SLMAP: variants seen among roughly 807,000 people sequenced by gnomAD.
The protein encoded by SLMAP is sarcolemma associated protein.
A neutral mutation model predicts 128.8 loss-of-function variants in SLMAP; 44 were observed. The observed-to-expected ratio is 0.34, with a 90% CI of 0.27 to 0.44. The LOEUF is 0.44. Among genes scored for constraint, SLMAP ranks in the 20% least tolerant of loss-of-function variants. The probability of loss-of-function intolerance (pLI) is 1.00; values close to 1 mark genes in which losing one functional copy is unlikely to be tolerated. For synonymous variants in SLMAP, 327 were observed against 348.8 expected (o/e 0.94, Z 0.70); for missense variants, 787 against 985.3 (o/e 0.80, Z 2.69).
intron 2 of SLMAP, among the ~76,000 whole-genome samples, chr3:57,830,763 T>C (rs922304770): frequency 6.6e-6 from 1 of 152,222 alleles, no homozygotes; most frequent in Non-Finnish European, 1.5e-5. Context: ...TAAGCACTCA[T>C]GTACTTTTTG....
At chr3:57,763,343 C>T (rs1044858088) in intron 2 of SLMAP, among the ~76,000 whole-genome samples, 4 of 147,830 alleles carry the variant, frequency 2.7e-5, no homozygotes, top group South Asian at 2.2e-4. Context: ...GGTGTGATCT[C>T]GGCTCACTGC....
At chr3:57,794,115 G>T (rs2086150736) in intron 2 of SLMAP, among the ~76,000 whole-genome samples, 1 of 152,158 alleles carries the variant, frequency 6.6e-6, no homozygotes, top group Admixed American at 6.5e-5. Flanking sequence ...AAACTTTTTA[G>T]ATGAGTCATT....
intron 3 of SLMAP, among the ~76,000 whole-genome samples, chr3:57,837,116 A>G (rs77209099): frequency 0.014 from 2,192 of 152,340 alleles, 60 homozygotes; most frequent in African/African-American, 0.049. Flanking sequence ...ATGGCCTTCA[A>G]GCCCTTGCAC....
intron 13 of SLMAP, among the ~76,000 whole-genome samples, chr3:57,869,639 TA>T (rs1209223937): frequency 4.0e-5 from 5 of 125,858 alleles, no homozygotes; most frequent in African/African-American, 1.3e-4. Context: ...ATTATATATA[TA>T]TATATATATA....
At chr3:57,808,577 T>A (rs1341374202) in intron 2 of SLMAP, among the ~76,000 whole-genome samples, 1 of 152,240 alleles carries the variant, frequency 6.6e-6, no homozygotes, top group East Asian at 1.9e-4. Context: ...AGTGAGTTTC[T>A]TAATCTTGAG....
At chr3:57,927,270 T>C (rs925419120) in intron 24 of SLMAP, 26 bp from the exon 25 acceptor site, 3 of 1,533,166 alleles carry the variant, frequency 2.0e-6, no homozygotes, top group South Asian at 1.2e-5. Context: ...GAATGTGATA[T>C]TGACTCTTGG....
At chr3:57,827,918 A>G (rs1356689597) in intron 2 of SLMAP, among the ~76,000 whole-genome samples, 1 of 152,048 alleles carries the variant, frequency 6.6e-6, no homozygotes, top group Non-Finnish European at 1.5e-5. Context: ...CTATAAGCAT[A>G]CTCCCTTTCT....
At chr3:57,886,320 A>T (rs2095886210) in intron 14 of SLMAP, among the ~76,000 whole-genome samples, 1 of 151,644 alleles carries the variant, frequency 6.6e-6, no homozygotes, top group Non-Finnish European at 1.5e-5. Flanking sequence ...GCTGGTCTCG[A>T]ACTCCTGACC....
chr3:57,884,521 T>C (rs990970062), intron 14 of SLMAP, among the ~76,000 whole-genome samples: 2 of 152,212 alleles, frequency 1.3e-5, no homozygotes, highest in Non-Finnish European at 2.9e-5. Context: ...TTGATACTGA[T>C]ATTTAAACTG....
At chr3:57,923,049 C>A in intron 23 of SLMAP, 26 bp downstream of exon 23, 1 of 1,608,822 alleles carries the variant, frequency 6.2e-7, no homozygotes, top group Non-Finnish European at 8.5e-7. Context: ...CTTGGCTTAG[C>A]TTTGATTGAG....
intron 14 of SLMAP, among the ~76,000 whole-genome samples, chr3:57,872,285 G>C (rs1401397750): frequency 1.3e-5 from 2 of 151,654 alleles, no homozygotes; most frequent in African/African-American, 4.9e-5. Context: ...CTGGGCAACA[G>C]AGCAAGACTC....
At chr3:57,819,063 A>C (rs2092242073) in intron 2 of SLMAP, among the ~76,000 whole-genome samples, 1 of 152,194 alleles carries the variant, frequency 6.6e-6, no homozygotes, top group African/African-American at 2.4e-5. Context: ...TTCCCATTTC[A>C]GACAAAATGA....
chr3:57,792,097 G>A (rs1278238382), intron 2 of SLMAP, among the ~76,000 whole-genome samples: 2 of 152,026 alleles, frequency 1.3e-5, no homozygotes, highest in African/African-American at 4.8e-5. Flanking sequence ...TAACAACAGA[G>A]CACTTTGATT....
At chr3:57,922,548 C>T (rs536344441) in intron 22 of SLMAP, among the ~76,000 whole-genome samples, 16 of 151,684 alleles carry the variant, frequency 1.1e-4, no homozygotes, top group Admixed American at 8.5e-4. Flanking sequence ...CCTGTCTCAG[C>T]CTCCCGAGTA....
chr3:57,914,493 A>C (rs1054424557), intron 21 of SLMAP, among the ~76,000 whole-genome samples: 1 of 152,212 alleles, frequency 6.6e-6, no homozygotes, highest in Non-Finnish European at 1.5e-5. Context: ...GGGACAAAAT[A>C]AAGGTCAAAA....
rs887295561 is a variant in SLMAP, at chr3:57,928,900, T to C, written c.*1611T>C. On this transcript the variant is annotated 3_prime_UTR_variant, in exon 25 of 25. Transcript: ENST00000671191. Reference sequence around the variant, plus strand: ...ATGACTTGTAGAAAATACTGTCATATAGTTCATTTCATCATTTTCTGTTGC... The same window carrying C: ...ATGACTTGTAGAAAATACTGTCATACAGTTCATTTCATCATTTTCTGTTGC... 10 of 152,772 alleles carry C rather than the reference T, an allele frequency of 6.5e-5. No individual in the cohort carries two copies. The highest frequency in any genetic ancestry group is 1.2e-4 in the Non-Finnish European group (8 of 68,008). 9.5% of individuals were successfully genotyped at this position (152,772 alleles called of 1,614,324 possible).
chr3:57,894,258 A>G (rs1575860641), intron 15 of SLMAP, among the ~76,000 whole-genome samples: 1 of 152,188 alleles, frequency 6.6e-6, no homozygotes, highest in Non-Finnish European at 1.5e-5. Flanking sequence ...CCAGACCTTG[A>G]ATAAATATAT....
At position 57,909,913 on chromosome 3, in the gene SLMAP, A is replaced by AT. The variant is rs202241053; in HGVS notation, c.1699+779dup. On this transcript the variant is annotated intron_variant, in intron 19 of 24. Coordinates refer to ENST00000671191, the MANE Select transcript of SLMAP (RefSeq NM_001377540.1). ...AGGTGTGAGCCACTGCGCCTGGCCT[A>AT]TTTTTTTTTTTTTTTTAAAGAAAAT... is the stretch of plus-strand genomic sequence containing the variant. Among the ~76,000 whole-genome samples the AT allele has an allele frequency of 8.2e-3, 1,181 of 144,478 alleles. 8 individuals are homozygous for AT. Among genetic ancestry groups the AT allele is most frequent in the African/African-American group, 0.02 (798 of 39,086 alleles). 94.8% of individuals were successfully genotyped at this position (144,478 alleles called of 152,430 possible).
At chr3:57,909,580 TCACA>T (rs1002356882) in intron 19 of SLMAP, among the ~76,000 whole-genome samples, 1 of 151,816 alleles carries the variant, frequency 6.6e-6, no homozygotes, top group Non-Finnish European at 1.5e-5. Flanking sequence ...CTCTAGAACC[TCACA>T]TTTCAACACG....
Sources: allele counts gnomAD v4.1 joint callset (sites outside exome capture counted in the v4.1 genomes callset), GRCh38; gene constraint gnomAD v4.1.1; transcripts MANE v1.5; gene names NCBI Gene and HGNC (gene_info 2026-07-23, HGNC 2026-07-21).